The following ZNF563 variants were observed in gnomAD, a reference collection of about 807,000 sequenced individuals.
The protein encoded by ZNF563 is zinc finger protein 563.
A neutral mutation model predicts 48.5 loss-of-function variants in ZNF563; 39 were observed. The ratio of observed to expected loss-of-function variants is 0.80; its 90% CI spans 0.62 to 1.05. The LOEUF is 1.05. ZNF563 is among the 50% of genes least tolerant of loss of function. ZNF563 has a pLI of 0.00. For missense variants in ZNF563, 538 were observed against 597.0 expected (o/e 0.90, Z 1.03); for synonymous variants, 168 against 187.9 (o/e 0.89, Z 0.87).
chr19:12,333,672 G>A, upstream of ZNF563: 1 of 825,918 alleles, frequency 1.2e-6, no homozygotes, highest in Non-Finnish European at 1.8e-6. Flanking sequence ...AGACGCCGCG[G>A]GCTCTTTGAA....
chr19:12,334,828 C>A (rs1968999173), upstream of ZNF563, among the ~76,000 whole-genome samples: 1 of 138,874 alleles, frequency 7.2e-6, no homozygotes, highest in Non-Finnish European at 1.5e-5. Context: ...GAGATCGTGC[C>A]ACGGCATTCC....
At position 12,319,301 on chromosome 19, in the gene ZNF563, T is replaced by G. The variant is rs1159443237; in HGVS notation, c.724A>C (p.Arg242=). The G allele has an allele frequency of 3.1e-6, 5 of 1,613,972 alleles. No homozygotes were observed. In the African/African-American group the frequency reaches 6.7e-5, roughly 22 times the overall value. The change falls in exon 4 of 4, where the codon AGA becomes CGA. Residue 242 remains arginine (R), a synonymous_variant. Transcript: ENST00000293725. ...TCCCCAGTGTGCATTCTCTCATGTC[T>G]TCGATAGGAACTGTAAAAAGGAAAG... The part of the protein sequence containing the change: ...KAFPFYSSYR[R]HERMHTGEKP...
chr19:12,334,446 G>A (rs902528740), upstream of ZNF563, among the ~76,000 whole-genome samples: 3 of 152,130 alleles, frequency 2.0e-5, no homozygotes, highest in African/African-American at 7.2e-5. Flanking sequence ...CCAAAACCTG[G>A]TGATGAGACT....
In ZNF563 at chr19:12,322,592, G is replaced by A. The variant is rs758970762; in HGVS notation, c.123C>T (p.Asp41=). 5.0e-6 allele frequency: 8 copies of A among 1,600,574 alleles called. No individual in the cohort carries two copies. The Admixed American group carries it at 1.2e-4, about 24-fold the overall frequency. ...YVMQETIRNL[D]CIRMIWEEQN... is the part of the protein sequence containing the mutation. ...ACATGGTATCATCCTTACTTATACA[G>A]TCCAGGTTCCTGATGGTTTCTTGCA... is the stretch of plus-strand genomic sequence containing the variant. Residue 41 remains aspartate, a synonymous_variant, in exon 2 of 4, where the codon GAC becomes GAT. Transcript: ENST00000293725.
intron 1 of ZNF563, among the ~76,000 whole-genome samples, chr19:12,333,182 C>T (rs1028043725): frequency 2.0e-5 from 3 of 152,198 alleles, no homozygotes; most frequent in Non-Finnish European, 2.9e-5. Flanking sequence ...ATGACCCTTC[C>T]GTGACCCTCC....
chr19:12,335,006 G>A (rs890411296), upstream of ZNF563, among the ~76,000 whole-genome samples: 9 of 151,766 alleles, frequency 5.9e-5, no homozygotes, highest in African/African-American at 2.2e-4. Flanking sequence ...TTCGTGCTAC[G>A]TGGAGGCGTG....
chr19:12,323,184 A>G (rs1968680359), intron 1 of ZNF563, among the ~76,000 whole-genome samples: 1 of 152,230 alleles, frequency 6.6e-6, no homozygotes, highest in Non-Finnish European at 1.5e-5. Flanking sequence ...GCTCGATTGT[A>G]TCTAAACTGT....
chr19:12,345,883 ACT>A, the ZNF563 span: 2 of 152,086 alleles, frequency 1.3e-5, no homozygotes, highest in African/African-American at 4.8e-5. Context: ...ATGCCTCTGC[ACT>A]CCAGCCTGGG....
chr19:12,321,333 C>T lies in ZNF563; in HGVS notation c.131-1G>A. 6.5e-7 allele frequency: 1 copy of T among 1,542,394 alleles called. No individual in the cohort carries two copies. Among genetic ancestry groups the T allele is most frequent in the Non-Finnish European group, 8.7e-7 (1 of 1,150,198 alleles). On this transcript the variant is annotated splice_acceptor_variant, in intron 2 of 3. Coordinates refer to ENST00000293725, the MANE Select transcript of ZNF563 (RefSeq NM_145276.3). LOFTEE classifies it high-confidence loss of function. ...GTATTCTGTTCTTCCCATATCATTC[C>T]TAAAAGGGAGACCCAGAAAATCACT...
chr19:12,317,980 C>A lies in ZNF563; in HGVS notation c.*614G>T. 5.9e-6 allele frequency: 1 copy of A among 168,356 alleles called. No homozygotes were observed. The highest frequency in any genetic ancestry group is 1.7e-4 in the South Asian group (1 of 5,910). The allele number at this position is 168,356 out of a possible 1,614,324, so 10.4% of individuals were successfully genotyped here. A position where few individuals can be genotyped will look rare whatever the true frequency, so the allele number is the denominator to read the frequency against. On this transcript the variant is annotated 3_prime_UTR_variant, in exon 4 of 4. Coordinates refer to ENST00000293725, the MANE Select transcript of ZNF563 (RefSeq NM_145276.3). ...TTCTACATTTCTTACATTCATATGA[C>A]TTCTCTCCAGAGTGAATCCTTTCAT... is the stretch of plus-strand genomic sequence containing the variant.
chr19:12,320,076 GC>G, intron 3 of ZNF563, among the ~76,000 whole-genome samples: 1 of 152,128 alleles, frequency 6.6e-6, no homozygotes, highest in South Asian at 2.1e-4. Flanking sequence ...ACGCCACCAC[GC>G]CCAGCTAATT....
Position 12,318,476 on chromosome 19 carries a change from G to C in ZNF563, c.*118C>G, listed in dbSNP as rs1399908904. On this transcript the variant is annotated 3_prime_UTR_variant, in exon 4 of 4. Transcript: ENST00000293725. ...GTGAGATATTTCATGATTTTGAAAG[G>C]AATAAAAATTATGAAAGGCTTTCCC... 3 of 1,118,292 alleles carry C rather than the reference G, an allele frequency of 2.7e-6. No homozygotes were observed. Among genetic ancestry groups the C allele is most frequent in the East Asian group, 2.5e-5 (1 of 39,878 alleles). 69.3% of individuals were successfully genotyped at this position (1,118,292 alleles called of 1,614,324 possible).
chr19:12,326,430 G>A (rs1273096824), intron 1 of ZNF563, among the ~76,000 whole-genome samples: 1 of 152,126 alleles, frequency 6.6e-6, no homozygotes, highest in African/African-American at 2.4e-5. Flanking sequence ...GATCACTTGA[G>A]GTCGGGAGTT....
At chr19:12,321,466 G>T in intron 2 of ZNF563, 134 bp from the exon 3 acceptor site, 1 of 494,342 alleles carries the variant, frequency 2.0e-6, no homozygotes, top group Non-Finnish European at 3.2e-6. Context: ...GGGGGTGGAG[G>T]CAGAGTCTCA....
chr19:12,331,381 T>C (rs1471283875), intron 1 of ZNF563, among the ~76,000 whole-genome samples: 3 of 149,360 alleles, frequency 2.0e-5, no homozygotes, highest in Admixed American at 6.7e-5. Context: ...AACCACCAGA[T>C]ACCGCACTGT....
At chr19:12,324,272 T>A (rs953243083) in intron 1 of ZNF563, among the ~76,000 whole-genome samples, 2 of 152,006 alleles carry the variant, frequency 1.3e-5, no homozygotes, top group Non-Finnish European at 2.9e-5. Flanking sequence ...GGTGGGAGGA[T>A]CACCTGAGCC....
At chr19:12,342,702 G>T in the ZNF563 span, among the ~76,000 whole-genome samples, 1 of 151,358 alleles carries the variant, frequency 6.6e-6, no homozygotes, top group Non-Finnish European at 1.5e-5. Flanking sequence ...GAGCCCAGGA[G>T]TTGGAGGCTG....
chr19:12,337,690 G>A (rs1461936161), upstream of ZNF563, among the ~76,000 whole-genome samples: 1 of 152,068 alleles, frequency 6.6e-6, no homozygotes, highest in Non-Finnish European at 1.5e-5. Context: ...GGATTTCCCT[G>A]AATCTAAAAA....
At chr19:12,341,225 T>C in the ZNF563 span, among the ~76,000 whole-genome samples, 2 of 152,026 alleles carry the variant, frequency 1.3e-5, no homozygotes, top group Non-Finnish European at 2.9e-5. Context: ...TAATTTTTTG[T>C]ATTTTTAGTA....
Sources: allele counts gnomAD v4.1 joint callset (sites outside exome capture counted in the v4.1 genomes callset), GRCh38; gene constraint gnomAD v4.1.1; transcripts MANE v1.5; gene names NCBI Gene and HGNC (gene_info 2026-07-23, HGNC 2026-07-21).